The following CCDC88A variants were observed in gnomAD, a reference collection of about 807,000 sequenced individuals.
CCDC88A encodes girdin.
A neutral mutation model predicts 234.3 loss-of-function variants in CCDC88A; 54 were observed. That is an observed-to-expected ratio of 0.23 (90% confidence interval 0.19 to 0.29). The LOEUF (loss-of-function observed/expected upper bound fraction) is 0.29. Ranked by LOEUF, CCDC88A falls within the 10% of genes least tolerant of loss-of-function variation. The pLI is 1.00. For missense variants in CCDC88A, 1,832 were observed against 2,123.4 expected, an observed-to-expected ratio of 0.86 and a Z score of 2.70; for synonymous variants, 753 against 737.8, an observed-to-expected ratio of 1.02 and a Z score of -0.33.
chr2:55,399,034 C>A (rs1678116487), intron 2 of CCDC88A, among the ~76,000 whole-genome samples: 1 of 151,980 alleles, frequency 6.6e-6, no homozygotes, highest in African/African-American at 2.4e-5. Context: ...AATGTAAATA[C>A]TGATGACTGA....
At chr2:55,409,801 C>T (rs1411862083) in intron 2 of CCDC88A, among the ~76,000 whole-genome samples, 2 of 141,148 alleles carry the variant, frequency 1.4e-5, no homozygotes, top group Admixed American at 7.4e-5. Flanking sequence ...AGTGCAGTGG[C>T]GCAATCTCGG....
chr2:55,299,963 G>A (rs761879357), intron 28 of CCDC88A, 44 bp from the exon 29 acceptor site: 2 of 1,291,066 alleles, frequency 1.5e-6, no homozygotes, highest in Non-Finnish European at 2.3e-6. Flanking sequence ...ACTTCTAGCT[G>A]ATGATGCTGA....
intron 3 of CCDC88A, among the ~76,000 whole-genome samples, chr2:55,386,097 C>T (rs1362849147): frequency 2.0e-5 from 3 of 151,770 alleles, no homozygotes; most frequent in Non-Finnish European, 4.4e-5. Context: ...GTGGCATGTA[C>T]CTGTAATTCC....
intron 27 of CCDC88A, 148 bp downstream of exon 27, chr2:55,301,724 G>T: frequency 1.5e-6 from 1 of 675,408 alleles, no homozygotes; most frequent in South Asian, 1.9e-5. Context: ...TTTTTAAAAT[G>T]ATTTGAAAGT....
At chr2:55,312,083 C>T (rs1475996390) in intron 23 of CCDC88A, among the ~76,000 whole-genome samples, 3 of 152,168 alleles carry the variant, frequency 2.0e-5, no homozygotes, top group African/African-American at 7.2e-5. Context: ...CTATAAATCT[C>T]CACTCAAATC....
At chr2:55,318,759 CAAT>C in intron 19 of CCDC88A, 81 bp downstream of exon 19, 1 of 1,103,934 alleles carries the variant, frequency 9.1e-7, no homozygotes, top group East Asian at 2.5e-5. Context: ...CACTAAGAAA[CAAT>C]GTTTCCATGT....
At chr2:55,408,806 T>G (rs1680009343) in intron 2 of CCDC88A, among the ~76,000 whole-genome samples, 1 of 152,130 alleles carries the variant, frequency 6.6e-6, no homozygotes, top group Admixed American at 6.5e-5. Context: ...TTGCCCAAGA[T>G]CCAAGAACCC....
rs550072202 is a variant in CCDC88A, at chr2:55,334,014, T to C, written c.2727+80A>G. On this transcript the variant is annotated intron_variant, in intron 15 of 32. Transcript: ENST00000436346. This position sits in a 1 kb window ranked among gnomAD's most constrained non-coding sequence, Gnocchi z 6.1. ...TAAAATAAATGATGCAAATTACTGATAGATTCCAATAAAACTTAAAGAAAC... is the reference window on the plus strand; with the variant it reads ...TAAAATAAATGATGCAAATTACTGACAGATTCCAATAAAACTTAAAGAAAC... 11 of 471,876 alleles carry C rather than the reference T, an allele frequency of 2.3e-5. No individual in the cohort carries two copies. In the Admixed American group the frequency reaches 3.5e-4, roughly 15 times the overall value. 29.2% of individuals were successfully genotyped at this position (471,876 alleles called of 1,614,324 possible).
rs186335000 is a variant in CCDC88A at position 55,318,758 on chromosome 2, A to T, written c.3324+85T>A. ...TATCTTTAAGTTCATTCACTAAGAA[A>T]CAATGTTTCCATGTTTACCCTCCCT... is the stretch of plus-strand genomic sequence containing the variant. On this transcript the variant is annotated intron_variant, in intron 19 of 32. Transcript: ENST00000436346. 3.9e-5 allele frequency: 43 copies of T among 1,110,254 alleles called. No homozygotes were observed. In the Middle Eastern group the frequency reaches 1.1e-3, roughly 27 times the overall value. The allele number at this position is 1,110,254 out of a possible 1,614,324, so 68.8% of individuals were successfully genotyped here.
intron 2 of CCDC88A, among the ~76,000 whole-genome samples, chr2:55,399,506 G>A (rs892327611): frequency 2.2e-5 from 3 of 139,074 alleles, no homozygotes; most frequent in African/African-American, 5.4e-5. Flanking sequence ...CAGCCTGGGC[G>A]ACAGAATGAG....
Position 55,347,453 on chromosome 2 carries a change from G to C in CCDC88A, c.883-1120C>G, listed in dbSNP as rs115840043. On this transcript the variant is annotated intron_variant, in intron 9 of 32. Coordinates refer to ENST00000436346, the MANE Select transcript of CCDC88A (RefSeq NM_001365480.1). ...GTGACATCTTAACAGACTAAATGCAGAAACAGCTATGAGAATATAGTAGTA... is the reference window on the plus strand; with the variant it reads ...GTGACATCTTAACAGACTAAATGCACAAACAGCTATGAGAATATAGTAGTA... 7.1e-3 allele frequency among the ~76,000 whole-genome samples: 1,085 copies of C among 152,140 alleles called. 12 individuals carry two copies. Among genetic ancestry groups the C allele is most frequent in the African/African-American group, 0.024 (1,016 of 41,522 alleles).
At chr2:55,381,224 G>A (rs960912165) in intron 3 of CCDC88A, among the ~76,000 whole-genome samples, 1 of 152,110 alleles carries the variant, frequency 6.6e-6, no homozygotes, top group Non-Finnish European at 1.5e-5. Context: ...ACTCTATGAT[G>A]TTCGTACAAT....
At chr2:55,403,317 G>A (rs943195815) in intron 2 of CCDC88A, 3 of 152,150 alleles carry the variant, frequency 2.0e-5, no homozygotes, top group Admixed American at 6.5e-5. Flanking sequence ...GATAATCATC[G>A]CACTTTGTTA....
intron 12 of CCDC88A, among the ~76,000 whole-genome samples, chr2:55,341,859 T>G (rs1668553244): frequency 6.6e-6 from 1 of 152,214 alleles, no homozygotes; most frequent in African/African-American, 2.4e-5. Context: ...CATTTGTGAA[T>G]AATGCTGCAA....
At chr2:55,383,091 A>T (rs1674868327) in intron 3 of CCDC88A, among the ~76,000 whole-genome samples, 1 of 151,234 alleles carries the variant, frequency 6.6e-6, no homozygotes, top group Non-Finnish European at 1.5e-5. Flanking sequence ...AAAAAAACAA[A>T]AGAGTACTGA....
chr2:55,354,301 T>C lies in CCDC88A; in HGVS notation c.800+1278A>G, dbSNP rs189733545. The stretch of plus-strand genomic sequence containing the variant: ...GACTACCACCACGCCTGGCTAATTT[T>C]TGTATTTTTAATAGACACAGGGTTT... On this transcript the variant is annotated intron_variant, in intron 8 of 32. Transcript: ENST00000436346. Among the ~76,000 whole-genome samples, 258 of 151,882 alleles carry C rather than the reference T, an allele frequency of 1.7e-3. 1 individual carries two copies. The highest frequency in any genetic ancestry group is 5.9e-3 in the African/African-American group (246 of 41,450).
intron 5 of CCDC88A, among the ~76,000 whole-genome samples, chr2:55,366,576 C>A (rs180746951): frequency 4.3e-5 from 6 of 139,664 alleles, no homozygotes; most frequent in Non-Finnish European, 9.3e-5. Context: ...CACACACACA[C>A]AAGATATGAT....
intron 2 of CCDC88A, among the ~76,000 whole-genome samples, chr2:55,399,333 T>TG (rs1335899995): frequency 1.3e-5 from 2 of 151,884 alleles, no homozygotes; most frequent in African/African-American, 4.8e-5. Flanking sequence ...AAGACCAGCC[T>TG]GGCCAAGATG....
intron 31 of CCDC88A, chr2:55,293,459 C>CTGAT (rs767329435): frequency 2.7e-5 from 4 of 150,904 alleles, no homozygotes; most frequent in Non-Finnish European, 5.9e-5. Context: ...TGACAATCCT[C>CTGAT]TGATTGTGTT....
Sources: gnomAD v4.1 joint callset for allele counts (sites outside exome capture counted in the v4.1 genomes callset) on GRCh38, gnomAD v4.1.1 for gene constraint, Gnocchi (gnomAD v3.1) non-coding constraint, MANE v1.5 for transcripts, NCBI Gene and HGNC (gene_info 2026-07-23, HGNC 2026-07-21) for gene names.